The following FAM120B variants were observed in gnomAD, a reference collection of about 807,000 sequenced individuals.
FAM120B encodes the protein constitutive coactivator of peroxisome proliferator-activated receptor gamma.
In FAM120B, 83 loss-of-function variants were observed where a neutral mutation model predicts 96.3. That is an observed-to-expected ratio of 0.86 (90% CI 0.72 to 1.03). FAM120B has a LOEUF of 1.03. FAM120B is among the 50% of genes least tolerant of loss of function. The pLI, the probability that FAM120B is intolerant of heterozygous loss-of-function variation, is 0.00. For synonymous variants in FAM120B, 407 were observed against 402.7 expected, an observed-to-expected ratio of 1.01 and a Z score of -0.13; for missense variants, 1,027 against 1,121.2, an observed-to-expected ratio of 0.92 and a Z score of 1.20.
At chr6:170,291,335 C>T (rs1783866355), upstream of FAM120B, among the ~76,000 whole-genome samples, 1 of 151,932 alleles carries the variant, frequency 6.6e-6, no homozygotes, top group African/African-American at 2.4e-5. Flanking sequence ...CTGCGGGCCC[C>T]ACTTGAGCGG....
chr6:170,354,648 G>A (rs1208327440), intron 5 of FAM120B, among the ~76,000 whole-genome samples: 1 of 152,182 alleles, frequency 6.6e-6, no homozygotes, highest in Non-Finnish European at 1.5e-5. Context: ...ATATAGCCGG[G>A]CGCGGTGGCT....
intron 4 of FAM120B, among the ~76,000 whole-genome samples, chr6:170,343,708 C>T (rs1583233310): frequency 6.6e-6 from 1 of 152,076 alleles, no homozygotes; most frequent in African/African-American, 2.4e-5. Flanking sequence ...GGCCCTACCC[C>T]TAGAATTTCT....
Position 170,405,175 on chromosome 6 carries a change from G to C in FAM120B, c.*424G>C, listed in dbSNP as rs966129782. On this transcript the variant is annotated 3_prime_UTR_variant, in exon 11 of 11. Coordinates refer to ENST00000476287, the MANE Select transcript of FAM120B (RefSeq NM_032448.3). ...TACAGTAGTCCTCCCTTATCTGCGG[G>C]GGAGACATCCCAAGACCCTCAGTGG... 1 of 153,010 alleles carries C rather than the reference G, an allele frequency of 6.5e-6. No individual in the cohort carries two copies. The highest frequency in any genetic ancestry group is 1.5e-5 in the Non-Finnish European group (1 of 68,706). The allele number at this position is 153,010 out of a possible 1,614,324, so 9.5% of individuals were successfully genotyped here.
intron 6 of FAM120B, among the ~76,000 whole-genome samples, chr6:170,362,054 A>G (rs1464398086): frequency 1.3e-5 from 2 of 152,242 alleles, no homozygotes; most frequent in Non-Finnish European, 2.9e-5. Flanking sequence ...TCAGCCTCTG[A>G]AAGTGCTAGG....
chr6:170,331,280 C>T lies in FAM120B; in HGVS notation c.2017+730C>T, dbSNP rs77777101. ...TTAGTGGCTCATGTCATTGTTTCAC[C>T]GAACAAATATTTTCCTACAGTTTTG... On this transcript the variant is annotated intron_variant, in intron 4 of 10. Coordinates refer to ENST00000476287, the MANE Select transcript of FAM120B (RefSeq NM_032448.3). 8.8e-3 allele frequency among the ~76,000 whole-genome samples: 1,343 copies of T among 152,254 alleles called. 66 individuals are homozygous for T. In the East Asian group the frequency reaches 0.11, roughly 12 times the overall value.
At chr6:170,328,389 G>C (rs77582099) in intron 3 of FAM120B, among the ~76,000 whole-genome samples, 5,419 of 152,256 alleles carry the variant, frequency 0.036, 136 homozygotes, top group African/African-American at 0.073. Context: ...ACCAAATCAT[G>C]GTTTATGCAG....
chr6:170,313,516 A>G (rs184167153), intron 1 of FAM120B, among the ~76,000 whole-genome samples: 3 of 152,346 alleles, frequency 2.0e-5, no homozygotes, highest in African/African-American at 7.2e-5. Context: ...ACCCAAGATT[A>G]TTTAATTTTC....
chr6:170,387,978 A>G (rs1159413596), intron 6 of FAM120B, among the ~76,000 whole-genome samples: 1 of 152,164 alleles, frequency 6.6e-6, no homozygotes, highest in Non-Finnish European at 1.5e-5. Context: ...GGCAAGAGAC[A>G]CTGTGCTCAC....
chr6:170,302,422 A>G (rs746946834), upstream of FAM120B, among the ~76,000 whole-genome samples: 5 of 152,206 alleles, frequency 3.3e-5, no homozygotes, highest in Admixed American at 6.5e-5. Context: ...TTGGGTGGGG[A>G]CACAGCCAAA....
intron 9 of FAM120B, among the ~76,000 whole-genome samples, chr6:170,400,476 C>G (rs1048780816): frequency 6.6e-6 from 1 of 152,098 alleles, no homozygotes; most frequent in African/African-American, 2.4e-5. Flanking sequence ...GCTGTGGTAG[C>G]TTCAGACAGG....
intron 6 of FAM120B, among the ~76,000 whole-genome samples, chr6:170,367,283 C>T (rs1176244269): frequency 2.0e-5 from 3 of 152,234 alleles, no homozygotes; most frequent in Non-Finnish European, 4.4e-5. Context: ...CCACATTCCG[C>T]CACCAGCATG....
In FAM120B at chr6:170,370,966, A is replaced by T. The variant is rs941165287; in HGVS notation, c.2283+12648A>T. Among the ~76,000 whole-genome samples the T allele has an allele frequency of 4.6e-5, 7 of 152,126 alleles. No homozygotes were observed. Among genetic ancestry groups the T allele is most frequent in the Non-Finnish European group, 8.8e-5 (6 of 68,036 alleles). On this transcript the variant is annotated intron_variant, in intron 6 of 10. Transcript: ENST00000476287. The surrounding 1 kb of genome is among the most constrained non-coding windows in gnomAD (Gnocchi z 4.3). ...ATGGTGTATATATATCTCAATACGG[A>T]TGGATGGATAGACAGACATTATTTA...
intron 3 of FAM120B, 129 bp from the exon 4 acceptor site, chr6:170,330,320 G>T: frequency 1.6e-6 from 1 of 634,270 alleles, no homozygotes; most frequent in Non-Finnish European, 2.8e-6. Flanking sequence ...ATAACTTAAG[G>T]TTACTCAGTC....
chr6:170,396,769 AT>A (rs928285317), intron 9 of FAM120B, among the ~76,000 whole-genome samples: 1 of 152,236 alleles, frequency 6.6e-6, no homozygotes, highest in African/African-American at 2.4e-5. Context: ...AAGACCTTCC[AT>A]TTGTGCAAGG....
chr6:170,358,893 G>C (rs566320224), intron 6 of FAM120B, among the ~76,000 whole-genome samples: 33 of 152,174 alleles, frequency 2.2e-4, no homozygotes, highest in Non-Finnish European at 4.3e-4. Flanking sequence ...CTCCTCTGTG[G>C]CTGCACACTT....
chr6:170,304,976 A>G (rs997046605), upstream of FAM120B, among the ~76,000 whole-genome samples: 1 of 152,084 alleles, frequency 6.6e-6, no homozygotes, highest in Admixed American at 6.5e-5. Context: ...GGTTCTGGTG[A>G]GGCCTCTCTT....
At chr6:170,322,756 T>C (rs192969754) in intron 2 of FAM120B, among the ~76,000 whole-genome samples, 202 of 152,186 alleles carry the variant, frequency 1.3e-3, no homozygotes, top group Non-Finnish European at 2.3e-3. Flanking sequence ...TCTAGGGGAT[T>C]AAGACCCTTT....
At chr6:170,398,197 C>A (rs1778304887) in intron 9 of FAM120B, among the ~76,000 whole-genome samples, 1 of 152,268 alleles carries the variant, frequency 6.6e-6, no homozygotes, top group African/African-American at 2.4e-5. Flanking sequence ...ACCTTTCCAT[C>A]AGGCATCTGG....
intron 5 of FAM120B, among the ~76,000 whole-genome samples, chr6:170,352,345 C>T (rs1208883171): frequency 6.6e-6 from 1 of 152,152 alleles, no homozygotes; most frequent in African/African-American, 2.4e-5. Context: ...GACTTTAACA[C>T]CCAACTGACA....
Sources: allele counts gnomAD v4.1 joint callset (sites outside exome capture counted in the v4.1 genomes callset), GRCh38; gene constraint gnomAD v4.1.1; non-coding constraint Gnocchi (gnomAD v3.1); transcripts MANE v1.5; gene names NCBI Gene and HGNC (gene_info 2026-07-23, HGNC 2026-07-21).